PARP14: variants seen among roughly 807,000 people sequenced by gnomAD.
PARP14 encodes the protein protein mono-ADP-ribosyltransferase PARP14.
In PARP14, 59 loss-of-function variants were observed where a neutral mutation model predicts 154.2. The observed-to-expected ratio is 0.38, with a 90% confidence interval of 0.31 to 0.48. The LOEUF (loss-of-function observed/expected upper bound fraction) is 0.48. Among genes scored for constraint, PARP14 ranks in the 20% least tolerant of loss-of-function variants. The pLI, the probability that PARP14 is intolerant of heterozygous loss-of-function variation, is 0.98. For missense variants in PARP14, 1,734 were observed against 2,131.6 expected (o/e 0.81, Z 3.67); for synonymous variants, 720 against 780.5 (o/e 0.92, Z 1.29).
chr3:122,699,561 A>G lies in PARP14; in HGVS notation c.1007A>G (p.Lys336Arg). 6.2e-7 allele frequency: 1 copy of G among 1,614,022 alleles called. No individual in the cohort carries two copies. The highest frequency in any genetic ancestry group is 8.5e-7 in the Non-Finnish European group (1 of 1,179,882). ...LDLPLWKFLQ[K>R]KNHLIEEIND... ...CTTCCCTTATGGAAGTTCTTACAGA[A>G]AAAGAATCACCTCATTGAGGAGATA... is the stretch of plus-strand genomic sequence containing the variant. Residue 336 changes from lysine to arginine, a missense_variant, in exon 6 of 17, where the codon AAA becomes AGA. By Grantham distance (26) the Lys-to-Arg change is conservative. Coordinates refer to ENST00000474629, the MANE Select transcript of PARP14 (RefSeq NM_017554.3).
rs769587752 is a variant in PARP14, at chr3:122,701,644, C to T, written c.3081+9C>T. On this transcript the variant is annotated intron_variant, in intron 6 of 16. Transcript: ENST00000474629. The surrounding 1 kb of genome is among the most constrained non-coding windows in gnomAD (Gnocchi z 4.0). ...GTGTGCAGAATGCTAAGGTGAGTGT[C>T]GCTTTTACAGAACACCACCAGGGCA... is the stretch of plus-strand genomic sequence containing the variant. 16 of 1,555,302 alleles carry T rather than the reference C, an allele frequency of 1.0e-5. 1 individual carries two copies. The highest frequency in any genetic ancestry group is 3.9e-5 in the Admixed American group (2 of 51,058).
chr3:122,683,559 C>A (rs55676269), intron 1 of PARP14, among the ~76,000 whole-genome samples: 3 of 152,036 alleles, frequency 2.0e-5, no homozygotes, highest in Non-Finnish European at 2.9e-5. Flanking sequence ...TGGTTGTTGT[C>A]GGGTTCCTTG....
intron 8 of PARP14, among the ~76,000 whole-genome samples, chr3:122,705,898 C>T (rs552447490): frequency 1.3e-5 from 2 of 152,346 alleles, no homozygotes; most frequent in South Asian, 4.1e-4. Flanking sequence ...TTCTGTGCAA[C>T]AGAAGCTTTT....
intron 15 of PARP14, among the ~76,000 whole-genome samples, chr3:122,723,242 A>T (rs1054996931): frequency 3.3e-5 from 5 of 152,134 alleles, no homozygotes; most frequent in African/African-American, 1.2e-4. Context: ...ATCTGGCCAC[A>T]GTCCATATTC....
Position 122,699,509 on chromosome 3 carries a change from C to T in PARP14, c.955C>T (p.Pro319Ser). ...YGKEKPLIKL[P>S]APFEESLDLP... The stretch of plus-strand genomic sequence containing the variant: ...AAAGGAGAAGCCTCTGATCAAGCTT[C>T]CAGCACCATTTGAAGAGTCACTAGA... The change falls in exon 6 of 17, where the codon CCA becomes TCA. Residue 319 changes from proline (P) to serine (S), a missense_variant. Physicochemically the swap from Pro to Ser is moderately conservative, Grantham distance 74. Transcript: ENST00000474629. The T allele has an allele frequency of 6.2e-7, 1 of 1,613,944 alleles. No individual in the cohort carries two copies. Among genetic ancestry groups the T allele is most frequent in the Non-Finnish European group, 8.5e-7 (1 of 1,179,834 alleles).
intron 1 of PARP14, among the ~76,000 whole-genome samples, chr3:122,684,978 G>A (rs1221798264): frequency 6.6e-6 from 1 of 152,148 alleles, no homozygotes; most frequent in Non-Finnish European, 1.5e-5. Context: ...TAGGGAACAT[G>A]CTCAATATTA....
In PARP14 at chr3:122,699,975, C is replaced by T; in HGVS notation, c.1421C>T (p.Ser474Phe). 6.2e-7 allele frequency: 1 copy of T among 1,613,754 alleles called. No individual in the cohort carries two copies. The highest frequency in any genetic ancestry group is 8.5e-7 in the Non-Finnish European group (1 of 1,179,704). Residue 474 changes from serine to phenylalanine, a missense_variant, in exon 6 of 17, where the codon TCT (serine) becomes TTT (phenylalanine). Physicochemically the swap from Ser to Phe is radical, Grantham distance 155. This residue lies in a region of PARP14 where 1,646 missense variants were observed against 1,976.0 expected (regional missense o/e 0.83). Transcript: ENST00000474629. ...EQSLKEKMII[S>F]PGRYFLLCHS... ...AGTTTGAAGGAAAAAATGATCATTTCTCCAGGCAGGTATTTTCTTTTGTGT... is the reference window on the plus strand; with the variant it reads ...AGTTTGAAGGAAAAAATGATCATTTTTCCAGGCAGGTATTTTCTTTTGTGT...
At chr3:122,720,929 A>G (rs558650785) in intron 15 of PARP14, 11 of 424,600 alleles carry the variant, frequency 2.6e-5, no homozygotes, top group African/African-American at 1.9e-4. Flanking sequence ...TAACATAGTG[A>G]GATCCTGCTC....
At chr3:122,695,287 G>A (rs1002576459) in intron 4 of PARP14, 139 bp from the exon 5 acceptor site, 2 of 590,770 alleles carry the variant, frequency 3.4e-6, no homozygotes, top group Non-Finnish European at 3.0e-6. Flanking sequence ...TCTCATGTAG[G>A]TATTAAAATC....
chr3:122,700,875 A>C lies in PARP14; in HGVS notation c.2321A>C (p.Glu774Ala), dbSNP rs775748991. The C allele has an allele frequency of 1.2e-6, 2 of 1,614,046 alleles. No individual in the cohort carries two copies. The highest frequency in any genetic ancestry group is 1.7e-6 in the Non-Finnish European group (2 of 1,179,904). The change falls in exon 6 of 17, where the codon GAA (glutamate) becomes GCA (alanine). Residue 774 changes from glutamate to alanine, a missense_variant. By Grantham distance (107) the Glu-to-Ala change is moderately radical. This residue lies in a region of PARP14 where 1,646 missense variants were observed against 1,976.0 expected (regional missense o/e 0.83). Transcript: ENST00000474629. ...AAACGGTTGTTTGGTTGTTACATTG[A>C]ACTACAGGAGAATGAAGTAATGAAG... ...EIKRLFGCYI[E>A]LQENEVMKEG...
intron 9 of PARP14, among the ~76,000 whole-genome samples, chr3:122,711,230 A>G (rs556197323): frequency 1.5e-4 from 23 of 152,186 alleles, no homozygotes; most frequent in Admixed American, 3.3e-4. Context: ...GATTTGTCAC[A>G]TATGGCTTTT....
intron 15 of PARP14, among the ~76,000 whole-genome samples, chr3:122,724,459 T>C (rs1452349397): frequency 2.1e-5 from 3 of 142,346 alleles, no homozygotes; most frequent in Non-Finnish European, 4.6e-5. Context: ...CCACCACGCC[T>C]ATTTTTTTTT....
chr3:122,717,410 C>T lies in PARP14; in HGVS notation c.4001-661C>T, dbSNP rs140511597. On this transcript the variant is annotated intron_variant, in intron 12 of 16. Coordinates refer to ENST00000474629, the MANE Select transcript of PARP14 (RefSeq NM_017554.3). ...TATGGAGTATGCTGAAAACAGGAAA[C>T]GCTCTGCTTCAGGTGGCTACCTTGA... Among the ~76,000 whole-genome samples the T allele has an allele frequency of 8.6e-3, 1,305 of 152,302 alleles. 11 individuals are homozygous for T. The highest frequency in any genetic ancestry group is 0.03 in the African/African-American group (1,237 of 41,570).
chr3:122,684,832 A>G (rs1442038684), intron 1 of PARP14, among the ~76,000 whole-genome samples: 1 of 152,118 alleles, frequency 6.6e-6, no homozygotes, highest in Non-Finnish European at 1.5e-5. Context: ...CCTTTTGAGT[A>G]CCTCCTGAGT....
chr3:122,705,412 C>T (rs1294120786), intron 8 of PARP14, among the ~76,000 whole-genome samples: 1 of 152,162 alleles, frequency 6.6e-6, no homozygotes, highest in Non-Finnish European at 1.5e-5. Flanking sequence ...CTGGCCTTAT[C>T]AATAGGAAGA....
intron 6 of PARP14, among the ~76,000 whole-genome samples, chr3:122,702,991 C>T (rs1939024123): frequency 2.4e-5 from 2 of 81,972 alleles, no homozygotes; most frequent in South Asian, 4.5e-4. Context: ...GACCCTCTCT[C>T]TTAAAAAAAA....
chr3:122,704,269 A>G (rs921855984), intron 7 of PARP14, among the ~76,000 whole-genome samples: 1 of 152,254 alleles, frequency 6.6e-6, no homozygotes, highest in Non-Finnish European at 1.5e-5. Context: ...GAGGGTGTGA[A>G]GAATGGAAGA....
chr3:122,718,710 T>G lies in PARP14; in HGVS notation c.4559T>G (p.Leu1520Trp). ...GAGGCGATGATCAAGAGAGTTCGAT[T>G]GGCCAAAGAACAGGAATCCCGGGCA... ...EIEAMIKRVR[L>W]AKEQESRADC... Residue 1520 changes from leucine to tryptophan, a missense_variant, in exon 14 of 17, where the codon TTG (leucine) becomes TGG (tryptophan). Around this residue, in one of 2 missense-constraint regions of PARP14, gnomAD observed 1,646 missense variants for 1,976.0 expected, o/e 0.83. Transcript: ENST00000474629. The G allele has an allele frequency of 6.2e-7, 1 of 1,613,568 alleles. No individual in the cohort carries two copies. Among genetic ancestry groups the G allele is most frequent in the Non-Finnish European group, 8.5e-7 (1 of 1,179,670 alleles).
intron 3 of PARP14, among the ~76,000 whole-genome samples, chr3:122,691,712 C>T (rs988821360): frequency 2.0e-5 from 3 of 152,152 alleles, no homozygotes; most frequent in Non-Finnish European, 2.9e-5. Flanking sequence ...ACATGTGTCT[C>T]GCTTTTGAGA....
Sources: gnomAD v4.1 joint callset for allele counts (sites outside exome capture counted in the v4.1 genomes callset) on GRCh38, gnomAD v4.1.1 for gene constraint, gnomAD v4.1.1 regional missense constraint, Gnocchi (gnomAD v3.1) non-coding constraint, MANE v1.5 for transcripts, NCBI Gene and HGNC (gene_info 2026-07-23, HGNC 2026-07-21) for gene names.